Variants in CENPO observed in about 807,000 individuals in gnomAD.
CENPO encodes the protein centromeric protein O.
A neutral mutation model predicts 36.1 loss-of-function variants in CENPO; 30 were observed. The observed-to-expected ratio is 0.83, with a 90% CI of 0.62 to 1.13. The LOEUF (loss-of-function observed/expected upper bound fraction) is 1.13, where lower values mean the gene tolerates loss of function less well. Among genes scored for constraint, CENPO ranks in the 50% most tolerant of loss-of-function variants. The pLI is 0.00. For missense variants in CENPO, 349 were observed against 357.8 expected, an observed-to-expected ratio of 0.98 and a Z score of 0.20; for synonymous variants, 171 against 142.3, an observed-to-expected ratio of 1.20 and a Z score of -1.44.
At position 24,817,654 on chromosome 2, in the gene CENPO, G is replaced by C. The variant is rs758962685; in HGVS notation, c.767-16G>C. The C allele has an allele frequency of 6.2e-7, 1 of 1,614,026 alleles. No individual in the cohort carries two copies. Among genetic ancestry groups the C allele is most frequent in the East Asian group, 2.2e-5 (1 of 44,872 alleles). ...CCAGCTGCACTGAATGAGATTGATG[G>C]AATCTTTCTTTTTAGGAGTGGAAGT... On this transcript the variant is annotated splice_polypyrimidine_tract_variant and intron_variant, in intron 6 of 7. Coordinates refer to ENST00000380834, the MANE Select transcript of CENPO (RefSeq NM_001322101.2).
chr2:24,804,518 C>G (rs1001476379), intron 3 of CENPO, among the ~76,000 whole-genome samples: 1 of 152,074 alleles, frequency 6.6e-6, no homozygotes, highest in African/African-American at 2.4e-5. Context: ...TTAGGGCAGG[C>G]CTGGTGGTGA....
At chr2:24,819,200 G>A (rs1667150183) in intron 7 of CENPO, 154 bp from the exon 8 acceptor site, 1 of 152,630 alleles carries the variant, frequency 6.6e-6, no homozygotes, top group Non-Finnish European at 1.5e-5. Context: ...TAATAAAACA[G>A]TCTTGTTCTT....
chr2:24,821,164 G>C lies in CENPO; in HGVS notation c.*1846G>C. ...TGATACCCCCTCAGTAGAAGCAGCAGGTGATCTTAACTCCTTTCAAAGAGC... is the reference window on the plus strand; with the variant it reads ...TGATACCCCCTCAGTAGAAGCAGCACGTGATCTTAACTCCTTTCAAAGAGC... On this transcript the variant is annotated 3_prime_UTR_variant, in exon 8 of 8. Coordinates refer to ENST00000380834, the MANE Select transcript of CENPO (RefSeq NM_001322101.2). 2.3e-6 allele frequency: 1 copy of C among 439,436 alleles called. No individual in the cohort carries two copies. The highest frequency in any genetic ancestry group is 4.3e-5 in the East Asian group (1 of 23,154). 27.2% of individuals were successfully genotyped at this position (439,436 alleles called of 1,614,324 possible). A position where few individuals can be genotyped will look rare whatever the true frequency, so the allele number is the denominator to read the frequency against.
intron 3 of CENPO, among the ~76,000 whole-genome samples, chr2:24,807,137 C>CCTGTACTCT (rs1176854990): frequency 6.6e-6 from 1 of 152,178 alleles, no homozygotes; most frequent in Admixed American, 6.5e-5. Context: ...TCCTTTTCCA[C>CCTGTACTCT]CTGTACCTCT....
At position 24,819,884 on chromosome 2, in the gene CENPO, A is replaced by G. The variant is rs777248298; in HGVS notation, c.*566A>G. ...AGGTCGGGACTTCCTTCAGTTTCAA[A>G]AAATAAATTCTCCCTTCCGGTTTGG... On this transcript the variant is annotated 3_prime_UTR_variant, in exon 8 of 8. Coordinates refer to ENST00000380834, the MANE Select transcript of CENPO (RefSeq NM_001322101.2). The G allele has an allele frequency of 6.3e-7, 1 of 1,589,606 alleles. No individual in the cohort carries two copies. The highest frequency in any genetic ancestry group is 8.6e-7 in the Non-Finnish European group (1 of 1,166,564).
chr2:24,793,995 C>A, intron 2 of CENPO, 30 bp downstream of exon 2: 1 of 1,543,402 alleles, frequency 6.5e-7, no homozygotes, highest in Non-Finnish European at 9.0e-7. Flanking sequence ...CTCCTTCCTG[C>A]TGCTGCCCAA....
chr2:24,805,645 T>C (rs1666366953), intron 3 of CENPO, among the ~76,000 whole-genome samples: 1 of 152,194 alleles, frequency 6.6e-6, no homozygotes, highest in African/African-American at 2.4e-5. Flanking sequence ...CAGCGAATGT[T>C]GGTGAACAGC....
Position 24,817,685 on chromosome 2 carries a change from C to G in CENPO, c.782C>G (p.Ser261Cys). 1.9e-6 allele frequency: 3 copies of G among 1,614,152 alleles called. No individual in the cohort carries two copies. Among genetic ancestry groups the G allele is most frequent in the Non-Finnish European group, 1.7e-6 (2 of 1,180,012 alleles). Reference sequence around the variant, plus strand: ...TTCTTTTTAGGAGTGGAAGTATTATCCACTTCATGGGAGGAGCAACGAGCA... The same window carrying G: ...TTCTTTTTAGGAGTGGAAGTATTATGCACTTCATGGGAGGAGCAACGAGCA... ...TVTCQGVEVLSTSWEEQRASH... is the reference protein window; with the variant it reads ...TVTCQGVEVLCTSWEEQRASH... The change falls in exon 7 of 8, where the codon TCC (serine) becomes TGC (cysteine). Residue 261 changes from serine to cysteine, a missense_variant. Coordinates refer to ENST00000380834, the MANE Select transcript of CENPO (RefSeq NM_001322101.2).
chr2:24,793,818 T>C (rs1430528914), intron 1 of CENPO, 34 bp from the exon 2 acceptor site: 14 of 1,495,740 alleles, frequency 9.4e-6, no homozygotes, highest in Non-Finnish European at 1.2e-5. Context: ...TGGGACTAGA[T>C]GTGATGTGAC....
Position 24,793,498 on chromosome 2 carries a change from C to T in CENPO, c.-72C>T. On this transcript the variant is annotated 5_prime_UTR_variant, in exon 1 of 8. Coordinates refer to ENST00000380834, the MANE Select transcript of CENPO (RefSeq NM_001322101.2). Reference sequence around the variant, plus strand: ...GATGGCGGGAATTCTCGCTTCTGGCCTGGGTGAGCTAGAAGGGAGAAGGTA... The same window carrying T: ...GATGGCGGGAATTCTCGCTTCTGGCTTGGGTGAGCTAGAAGGGAGAAGGTA... 1.3e-6 allele frequency: 2 copies of T among 1,597,756 alleles called. No homozygotes were observed. The highest frequency in any genetic ancestry group is 1.3e-5 in the African/African-American group (1 of 74,652).
intron 3 of CENPO, among the ~76,000 whole-genome samples, chr2:24,806,253 C>T (rs1192708488): frequency 6.6e-6 from 1 of 152,228 alleles, no homozygotes; most frequent in African/African-American, 2.4e-5. Context: ...AGGGAACTCC[C>T]TGACCCCTTG....
chr2:24,808,486 G>A (rs1057429428), intron 3 of CENPO, among the ~76,000 whole-genome samples: 8 of 152,188 alleles, frequency 5.3e-5, no homozygotes, highest in African/African-American at 1.9e-4. Context: ...ACAGGCGTGA[G>A]CCGCCGTGCC....
At chr2:24,807,430 C>G (rs1666469915) in intron 3 of CENPO, among the ~76,000 whole-genome samples, 1 of 152,172 alleles carries the variant, frequency 6.6e-6, no homozygotes, top group African/African-American at 2.4e-5. Context: ...GCTGAATGTT[C>G]TGACTGTGAG....
At chr2:24,797,751 C>T (rs1404892301) in intron 2 of CENPO, among the ~76,000 whole-genome samples, 1 of 152,092 alleles carries the variant, frequency 6.6e-6, no homozygotes, top group Non-Finnish European at 1.5e-5. Context: ...AAGAGGGTTT[C>T]GTGAAGGTGG....
In CENPO at chr2:24,814,081, C is replaced by G. The variant is rs71439143; in HGVS notation, c.217-295C>G. Reference sequence around the variant, plus strand: ...AGCCACCTGTTGTGTCCACCCTGTGCTTAGCCTAGACTTTCCACACAACCT... The same window carrying G: ...AGCCACCTGTTGTGTCCACCCTGTGGTTAGCCTAGACTTTCCACACAACCT... On this transcript the variant is annotated intron_variant, in intron 3 of 7. Transcript: ENST00000380834. Among the ~76,000 whole-genome samples the G allele has an allele frequency of 3.4e-3, 521 of 152,316 alleles. 2 individuals are homozygous for G. The highest frequency in any genetic ancestry group is 5.8e-3 in the Non-Finnish European group (397 of 68,032).
At chr2:24,802,113 A>C (rs1666187955) in intron 3 of CENPO, among the ~76,000 whole-genome samples, 1 of 152,094 alleles carries the variant, frequency 6.6e-6, no homozygotes, top group Non-Finnish European at 1.5e-5. Flanking sequence ...TTCACTCATG[A>C]TTTGGCTCTC....
In CENPO at chr2:24,816,623, G is replaced by A. The variant is rs146680988; in HGVS notation, c.595-23G>A. The A allele has an allele frequency of 7.9e-4, 1,235 of 1,558,562 alleles. 11 individuals carry two copies. The African/African-American group carries it at 0.013, about 16-fold the overall frequency. On this transcript the variant is annotated intron_variant, in intron 5 of 7. Transcript: ENST00000380834. ...TGGAACTGCAGTCATCCTCTACTTC[G>A]TTTTGTTCCTCACCCCTCTTAGAGT...
At chr2:24,810,727 C>T (rs1403462204) in intron 3 of CENPO, among the ~76,000 whole-genome samples, 10 of 150,942 alleles carry the variant, frequency 6.6e-5, no homozygotes, top group East Asian at 2.0e-4. Context: ...AGGCTGGTCT[C>T]GAACTCCTGA....
intron 7 of CENPO, among the ~76,000 whole-genome samples, chr2:24,818,378 A>AT (rs71325757): frequency 9.3e-5 from 14 of 150,328 alleles, no homozygotes; most frequent in African/African-American, 2.4e-4. Context: ...AAGACCCAAT[A>AT]TTTTTTTTTT....
Sources: gnomAD v4.1 joint callset for allele counts (sites outside exome capture counted in the v4.1 genomes callset) on GRCh38, gnomAD v4.1.1 for gene constraint, MANE v1.5 for transcripts, NCBI Gene and HGNC (gene_info 2026-07-23, HGNC 2026-07-21) for gene names.